Variants in RASAL2 observed in about 807,000 individuals in gnomAD.
RASAL2 encodes the protein ras GTPase-activating protein nGAP.
Under a neutral mutation model 128.9 loss-of-function variants are expected in RASAL2, and 58 were observed. That is an observed-to-expected ratio of 0.45 (90% CI 0.36 to 0.56). RASAL2 has a LOEUF of 0.56. Ranked by LOEUF, RASAL2 falls within the 20% of genes least tolerant of loss-of-function variation. The pLI is 0.00. For missense variants in RASAL2, 1,360 were observed against 1,601.6 expected (o/e 0.85, Z 2.57); for synonymous variants, 561 against 580.8 (o/e 0.97, Z 0.49).
chr1:178,280,045 TGTAAC>T (rs1298519706), intron 1 of RASAL2, among the ~76,000 whole-genome samples: 1 of 152,176 alleles, frequency 6.6e-6, no homozygotes, highest in Non-Finnish European at 1.5e-5. Context: ...TGGTTTTTGA[TGTAAC>T]AGAATACGAA....
At chr1:178,164,168 A>G (rs1176288411) in intron 1 of RASAL2, among the ~76,000 whole-genome samples, 1 of 152,182 alleles carries the variant, frequency 6.6e-6, no homozygotes, top group Non-Finnish European at 1.5e-5. Flanking sequence ...AAAAAACTGT[A>G]GAAAAGGAAG....
chr1:178,218,038 C>T (rs1663485264), intron 1 of RASAL2, among the ~76,000 whole-genome samples: 1 of 152,106 alleles, frequency 6.6e-6, no homozygotes, highest in African/African-American at 2.4e-5. Context: ...CTTTGCTTAT[C>T]CATAAGAAGC....
intron 9 of RASAL2, among the ~76,000 whole-genome samples, chr1:178,447,612 G>A (rs1485194420): frequency 7.2e-6 from 1 of 139,754 alleles, no homozygotes; most frequent in Non-Finnish European, 1.5e-5. Context: ...TGGAAGTTGC[G>A]GTAAGCCAAG....
chr1:178,296,732 G>A (rs1407613812), intron 2 of RASAL2, among the ~76,000 whole-genome samples: 1 of 149,008 alleles, frequency 6.7e-6, no homozygotes, highest in Admixed American at 6.7e-5. Context: ...GAGTGCAGTG[G>A]CACAGTCTCG....
At chr1:178,434,751 C>CTT (rs61682167) in intron 5 of RASAL2, among the ~76,000 whole-genome samples, 3,218 of 145,526 alleles carry the variant, frequency 0.022, 105 homozygotes, top group African/African-American at 0.072. Context: ...GCTCTAATTT[C>CTT]TTTTTTTTTT....
chr1:178,159,756 C>G (rs989152048), intron 1 of RASAL2, among the ~76,000 whole-genome samples: 2 of 151,944 alleles, frequency 1.3e-5, no homozygotes, highest in African/African-American at 4.8e-5. Flanking sequence ...TGGTGAAACT[C>G]TGTTTTTACT....
intron 1 of RASAL2, among the ~76,000 whole-genome samples, chr1:178,108,914 T>G (rs1442121357): frequency 6.6e-6 from 1 of 152,220 alleles, no homozygotes; most frequent in Non-Finnish European, 1.5e-5. Context: ...AGTTTTGTAT[T>G]TAAAAAAGGT....
chr1:178,226,123 T>A (rs891187449), intron 1 of RASAL2, among the ~76,000 whole-genome samples: 8 of 152,228 alleles, frequency 5.3e-5, no homozygotes, highest in Non-Finnish European at 1.0e-4. Context: ...CGTGGACCAG[T>A]AGCATAGTTA....
At chr1:178,285,420 G>A (rs933643417) in intron 2 of RASAL2, among the ~76,000 whole-genome samples, 12 of 152,104 alleles carry the variant, frequency 7.9e-5, no homozygotes, top group Non-Finnish European at 1.8e-4. Context: ...GCGCCCGGCC[G>A]GCATTGCTAC....
intron 1 of RASAL2, among the ~76,000 whole-genome samples, chr1:178,158,201 T>C (rs1160207509): frequency 6.6e-6 from 1 of 152,250 alleles, no homozygotes; most frequent in African/African-American, 2.4e-5. Context: ...TTTTTGAGTT[T>C]GCAGCCTTGC....
chr1:178,454,580 A>T lies in RASAL2; in HGVS notation c.2143A>T (p.Ile715Phe). 1 of 1,613,968 alleles carries T rather than the reference A, an allele frequency of 6.2e-7. No homozygotes were observed. ...AAACACCCCAGGCTTTGATGGTTAC[A>T]TTGATCTGGGCCGAGAGCTTTCAGT... ...ISNTPGFDGYIDLGRELSVLH... is the reference protein window; with the variant it reads ...ISNTPGFDGYFDLGRELSVLH... Residue 715 changes from isoleucine (I) to phenylalanine (F), a missense_variant, in exon 12 of 18, where the codon ATT (isoleucine) becomes TTT (phenylalanine). Around this residue, in one of 3 missense-constraint regions of RASAL2, gnomAD observed 741 missense variants for 868.6 expected, o/e 0.85. Coordinates refer to ENST00000367649, the MANE Select transcript of RASAL2 (RefSeq NM_170692.4).
intron 1 of RASAL2, among the ~76,000 whole-genome samples, chr1:178,198,724 C>T (rs1252494590): frequency 1.3e-5 from 2 of 152,188 alleles, no homozygotes; most frequent in East Asian, 1.9e-4. Flanking sequence ...TATGAGGTGT[C>T]AGTTGGCCCC....
chr1:178,243,556 C>A (rs551961006), intron 1 of RASAL2, among the ~76,000 whole-genome samples: 8 of 151,618 alleles, frequency 5.3e-5, no homozygotes, highest in Admixed American at 5.2e-4. Context: ...TGTTGGCCTC[C>A]CCATCATTAC....
intron 1 of RASAL2, among the ~76,000 whole-genome samples, chr1:178,248,355 G>A (rs1186884606): frequency 6.6e-6 from 1 of 152,016 alleles, no homozygotes; most frequent in Non-Finnish European, 1.5e-5. Flanking sequence ...ATCTTTGTTG[G>A]TTTAAAGTCT....
chr1:178,364,091 A>G (rs368631774), intron 3 of RASAL2, among the ~76,000 whole-genome samples: 125 of 147,856 alleles, frequency 8.5e-4, no homozygotes, highest in African/African-American at 3.1e-3. Context: ...GCGAGACTCC[A>G]TCTCAAAAAA....
At chr1:178,376,406 A>G (rs2102541978) in intron 3 of RASAL2, among the ~76,000 whole-genome samples, 1 of 152,254 alleles carries the variant, frequency 6.6e-6, no homozygotes, top group South Asian at 2.1e-4. Context: ...CTAGATTGAG[A>G]AGACTTGTAC....
intron 3 of RASAL2, among the ~76,000 whole-genome samples, chr1:178,335,128 A>G (rs1455889412): frequency 6.6e-6 from 1 of 152,118 alleles, no homozygotes; most frequent in Non-Finnish European, 1.5e-5. Flanking sequence ...AATAAGTAGA[A>G]GTACCACAGA....
chr1:178,115,961 T>A (rs1181959169), intron 1 of RASAL2, among the ~76,000 whole-genome samples: 1 of 152,198 alleles, frequency 6.6e-6, no homozygotes, highest in East Asian at 1.9e-4. Context: ...TAATGGTGAA[T>A]GAAAACTAGA....
intron 1 of RASAL2, among the ~76,000 whole-genome samples, chr1:178,235,565 C>CA (rs1301330519): frequency 6.6e-6 from 1 of 151,906 alleles, no homozygotes; most frequent in Non-Finnish European, 1.5e-5. Flanking sequence ...ATTTATAAAA[C>CA]AGTTACTCCG....
Sources: gnomAD v4.1 joint callset for allele counts (sites outside exome capture counted in the v4.1 genomes callset) on GRCh38, gnomAD v4.1.1 for gene constraint, gnomAD v4.1.1 regional missense constraint, MANE v1.5 for transcripts, NCBI Gene and HGNC (gene_info 2026-07-23, HGNC 2026-07-21) for gene names.